VWA8: variants seen among roughly 807,000 people sequenced by gnomAD.
VWA8 encodes the protein von Willebrand factor A domain-containing protein 8.
A neutral mutation model predicts 241.5 loss-of-function variants in VWA8; 221 were observed. The observed-to-expected ratio is 0.91, with a 90% CI of 0.82 to 1.02. VWA8 has a LOEUF of 1.02. Ranked by LOEUF, VWA8 falls within the 50% of genes least tolerant of loss-of-function variation. The probability of loss-of-function intolerance (pLI) is 0.00; values close to 1 mark genes in which losing one functional copy is unlikely to be tolerated. For synonymous variants in VWA8, 852 were observed against 827.1 expected (o/e 1.03, Z -0.52); for missense variants, 2,322 against 2,328.7 (o/e 1.00, Z 0.06).
At chr13:41,646,202 G>C (rs2044831042) in intron 37 of VWA8, among the ~76,000 whole-genome samples, 1 of 152,174 alleles carries the variant, frequency 6.6e-6, no homozygotes. Flanking sequence ...CTGACCTCAA[G>C]TGAACTGCCC....
chr13:41,712,293 T>C (rs1351559755), intron 26 of VWA8, among the ~76,000 whole-genome samples: 2 of 152,204 alleles, frequency 1.3e-5, no homozygotes, highest in South Asian at 2.1e-4. Flanking sequence ...TTCAAGGACA[T>C]GGATACCCCA....
Position 41,607,951 on chromosome 13 carries a change from CTG to C in VWA8, c.4878-2677_4878-2676del, listed in dbSNP as rs112942448. 4.0e-3 allele frequency among the ~76,000 whole-genome samples: 598 copies of C among 149,896 alleles called. 3 individuals are homozygous for C. Among genetic ancestry groups the C allele is most frequent in the African/African-American group, 0.013 (550 of 41,044 alleles). On this transcript the variant is annotated intron_variant, in intron 39 of 44. Transcript: ENST00000379310. ...AACCACAACACAATCTTCTAAACTA[CTG>C]TGTGTGTGTGTGTGTGCACGCACAC...
chr13:41,656,709 A>G (rs757002228), intron 37 of VWA8, among the ~76,000 whole-genome samples: 5 of 152,206 alleles, frequency 3.3e-5, no homozygotes, highest in Non-Finnish European at 7.3e-5. Flanking sequence ...ATGCTTCATG[A>G]TTGTCTTGTT....
At chr13:41,571,542 G>A (rs2044304355) in intron 43 of VWA8, among the ~76,000 whole-genome samples, 1 of 152,178 alleles carries the variant, frequency 6.6e-6, no homozygotes, top group Non-Finnish European at 1.5e-5. Context: ...TGGAGACGGG[G>A]TTTCGCCGTG....
At chr13:41,764,669 C>T (rs552356610) in intron 20 of VWA8, among the ~76,000 whole-genome samples, 2 of 152,126 alleles carry the variant, frequency 1.3e-5, no homozygotes, top group South Asian at 4.1e-4. Flanking sequence ...TGTGTCAAGA[C>T]TCTTGGGTAA....
chr13:41,941,349 A>G (rs1481178978), intron 2 of VWA8, among the ~76,000 whole-genome samples: 1 of 152,214 alleles, frequency 6.6e-6, no homozygotes, highest in Non-Finnish European at 1.5e-5. Context: ...AGAAGCTAAA[A>G]GAAGGAATGA....
chr13:41,620,175 A>G (rs1186637573), intron 37 of VWA8, among the ~76,000 whole-genome samples: 2 of 152,082 alleles, frequency 1.3e-5, no homozygotes, highest in East Asian at 1.9e-4. Flanking sequence ...CAGGGATTCA[A>G]CGTCTTCCTG....
At chr13:41,882,663 G>T (rs1368064313) in intron 9 of VWA8, among the ~76,000 whole-genome samples, 1 of 152,234 alleles carries the variant, frequency 6.6e-6, no homozygotes, top group Non-Finnish European at 1.5e-5. Flanking sequence ...AACCAGTCAG[G>T]CGTGGCGTCG....
intron 15 of VWA8, 43 bp from the exon 16 acceptor site, chr13:41,816,818 G>A (rs763972143): frequency 4.3e-5 from 61 of 1,416,442 alleles, no homozygotes; most frequent in Admixed American, 1.2e-4. Flanking sequence ...GGAATAAATC[G>A]GGATATCTGA....
intron 12 of VWA8, among the ~76,000 whole-genome samples, chr13:41,859,863 A>T (rs1362552519): frequency 6.6e-6 from 1 of 152,218 alleles, no homozygotes; most frequent in Non-Finnish European, 1.5e-5. Flanking sequence ...GTGTAGCTTT[A>T]TACATGTACA....
intron 37 of VWA8, among the ~76,000 whole-genome samples, chr13:41,625,850 A>G (rs2044686625): frequency 6.6e-6 from 1 of 151,882 alleles, no homozygotes; most frequent in Admixed American, 6.6e-5. Flanking sequence ...CAACAATGAT[A>G]GACTGGATTA....
chr13:41,929,825 G>A (rs1593877832), intron 2 of VWA8, among the ~76,000 whole-genome samples: 1 of 152,266 alleles, frequency 6.6e-6, no homozygotes, highest in African/African-American at 2.4e-5. Context: ...CCTTGGCAAT[G>A]ATTTCTTTTT....
At chr13:41,602,458 C>T (rs1026789673) in intron 40 of VWA8, among the ~76,000 whole-genome samples, 1 of 151,962 alleles carries the variant, frequency 6.6e-6, no homozygotes, top group Admixed American at 6.6e-5. Flanking sequence ...CAAAAGATGG[C>T]AAAAATGGAA....
intron 21 of VWA8, among the ~76,000 whole-genome samples, chr13:41,749,448 A>G (rs183811353): frequency 1.3e-5 from 2 of 151,034 alleles, no homozygotes; most frequent in East Asian, 1.9e-4. Context: ...TCGGTGTGGC[A>G]ATTCCTCAGG....
rs1342059123 is a variant in VWA8 at position 41,950,022 on chromosome 13, A to G, written c.164-9T>C. ...AATATTAACTGTATCACCTAAAAAGAGATTTTAAAAACAGAATAATTATAA... is the reference window on the plus strand; with the variant it reads ...AATATTAACTGTATCACCTAAAAAGGGATTTTAAAAACAGAATAATTATAA... On this transcript the variant is annotated splice_polypyrimidine_tract_variant and intron_variant, in intron 1 of 44. Transcript: ENST00000379310. The G allele has an allele frequency of 6.7e-7, 1 of 1,503,004 alleles. No individual in the cohort carries two copies. Among genetic ancestry groups the G allele is most frequent in the Admixed American group, 1.9e-5 (1 of 52,590 alleles). The allele number at this position is 1,503,004 out of a possible 1,614,324, so 93.1% of individuals were successfully genotyped here. A position where few individuals can be genotyped will look rare whatever the true frequency, so the allele number is the denominator to read the frequency against.
chr13:41,619,800 T>C (rs1458155035), intron 37 of VWA8, among the ~76,000 whole-genome samples: 1 of 152,206 alleles, frequency 6.6e-6, no homozygotes, highest in Non-Finnish European at 1.5e-5. Flanking sequence ...TGAACCAGCC[T>C]TGCATCCCAG....
At chr13:41,923,377 A>G (rs1007589267) in intron 2 of VWA8, among the ~76,000 whole-genome samples, 1 of 152,178 alleles carries the variant, frequency 6.6e-6, no homozygotes, top group Non-Finnish European at 1.5e-5. Context: ...TGGCACATGT[A>G]TACATATGTA....
chr13:41,729,412 T>C, intron 23 of VWA8, 130 bp downstream of exon 23: 2 of 877,858 alleles, frequency 2.3e-6, no homozygotes, highest in Non-Finnish European at 1.6e-6. Flanking sequence ...TGATTGTCAA[T>C]ACAGGCAACT....
At chr13:41,799,249 C>G (rs1355640325) in intron 17 of VWA8, among the ~76,000 whole-genome samples, 1 of 152,142 alleles carries the variant, frequency 6.6e-6, no homozygotes, top group Non-Finnish European at 1.5e-5. Context: ...ATTTAGTGTA[C>G]TGATCTTGTA....
Sources: allele counts gnomAD v4.1 joint callset (sites outside exome capture counted in the v4.1 genomes callset), GRCh38; gene constraint gnomAD v4.1.1; transcripts MANE v1.5; gene names NCBI Gene and HGNC (gene_info 2026-07-23, HGNC 2026-07-21).